The following RSPO2 variants were observed in gnomAD, a reference collection of about 807,000 sequenced individuals.
RSPO2 encodes R-spondin 2.
In RSPO2, 14 loss-of-function variants were observed where a neutral mutation model predicts 30.9. That is an observed-to-expected ratio of 0.45 (90% CI 0.30 to 0.71). The LOEUF (loss-of-function observed/expected upper bound fraction) is 0.71. Ranked by LOEUF, RSPO2 falls within the 30% of genes least tolerant of loss-of-function variation. The pLI, the probability that RSPO2 is intolerant of heterozygous loss-of-function variation, is 0.08. For missense variants in RSPO2, 264 were observed against 301.9 expected (o/e 0.87, Z 0.93); for synonymous variants, 107 against 96.4 (o/e 1.11, Z -0.64).
At chr8:108,060,789 G>T (rs1457933387) in intron 2 of RSPO2, among the ~76,000 whole-genome samples, 3 of 151,750 alleles carry the variant, frequency 2.0e-5, no homozygotes, top group Non-Finnish European at 4.4e-5. Context: ...AGAGAGAAAG[G>T]TCGGGTTACC....
chr8:107,915,516 TAGA>T (rs1811951023), intron 5 of RSPO2, among the ~76,000 whole-genome samples: 1 of 152,142 alleles, frequency 6.6e-6, no homozygotes, highest in South Asian at 2.1e-4. Context: ...AGATGGAGAA[TAGA>T]AGGATAGTTT....
intron 2 of RSPO2, among the ~76,000 whole-genome samples, chr8:108,017,387 A>T (rs967921592): frequency 6.6e-6 from 1 of 152,204 alleles, no homozygotes; most frequent in Non-Finnish European, 1.5e-5. Flanking sequence ...CCAACTATTC[A>T]TCCCTGCAAA....
chr8:108,034,310 A>AAC (rs763662903), intron 2 of RSPO2, among the ~76,000 whole-genome samples: 4 of 152,244 alleles, frequency 2.6e-5, no homozygotes, highest in Middle Eastern at 6.8e-3. Context: ...AACTATTTTA[A>AAC]ACACACACAC....
chr8:108,048,919 G>C (rs148448744), intron 2 of RSPO2, among the ~76,000 whole-genome samples: 1 of 152,022 alleles, frequency 6.6e-6, no homozygotes, highest in Non-Finnish European at 1.5e-5. Flanking sequence ...CCTTCATTTC[G>C]TTGTTTAGCC....
rs192598456 is a variant in RSPO2, at chr8:107,978,847, A to C, written c.283+10209T>G. On this transcript the variant is annotated intron_variant, in intron 3 of 5. Transcript: ENST00000276659. Reference sequence around the variant, plus strand: ...ACAAATTTACCAGAAAAAAACAAACAACCCCATCAAAAAGTGGGCAAAGGA... The same window carrying C: ...ACAAATTTACCAGAAAAAAACAAACCACCCCATCAAAAAGTGGGCAAAGGA... 2.6e-3 allele frequency among the ~76,000 whole-genome samples: 402 copies of C among 152,262 alleles called. 3 individuals are homozygous for C. The highest frequency in any genetic ancestry group is 6.8e-3 in the Middle Eastern group (2 of 294).
Position 107,969,018 on chromosome 8 carries a change from T to C in RSPO2, c.284-8201A>G, listed in dbSNP as rs1813909881. Among the ~76,000 whole-genome samples the C allele has an allele frequency of 2.6e-5, 4 of 152,220 alleles. No individual in the cohort carries two copies. The South Asian group carries it at 8.3e-4, about 32-fold the overall frequency. ...TGTTGGGTACCTACATGGAAAATCA[T>C]CTGCTTTGAACATTAGGAACCAGGA... is the stretch of plus-strand genomic sequence containing the variant. On this transcript the variant is annotated intron_variant, in intron 3 of 5. Coordinates refer to ENST00000276659, the MANE Select transcript of RSPO2 (RefSeq NM_178565.5).
intron 5 of RSPO2, among the ~76,000 whole-genome samples, chr8:107,953,414 G>A (rs1003552964): frequency 6.6e-6 from 1 of 152,208 alleles, no homozygotes; most frequent in Non-Finnish European, 1.5e-5. Context: ...AACAAGGCCA[G>A]TGGCTCAACA....
chr8:107,996,925 T>C, intron 2 of RSPO2: 1 of 455,686 alleles, frequency 2.2e-6, no homozygotes, highest in Non-Finnish European at 4.4e-6. Flanking sequence ...AGTCCATATC[T>C]TAGGTTATCT....
chr8:107,980,279 ATGTT>A (rs1294687510), intron 3 of RSPO2, among the ~76,000 whole-genome samples: 1 of 152,026 alleles, frequency 6.6e-6, no homozygotes, highest in East Asian at 1.9e-4. Context: ...TCAGCAGTAA[ATGTT>A]TGCTAAATGT....
chr8:108,061,420 G>A (rs1812460027), intron 2 of RSPO2, among the ~76,000 whole-genome samples: 2 of 151,698 alleles, frequency 1.3e-5, no homozygotes, highest in Admixed American at 6.6e-5. Flanking sequence ...AACCAACAAA[G>A]ATCAAAAGAG....
chr8:107,936,435 A>G (rs947318741), intron 5 of RSPO2, among the ~76,000 whole-genome samples: 2 of 152,154 alleles, frequency 1.3e-5, no homozygotes, highest in Admixed American at 6.6e-5. Context: ...TCTGAAGAAA[A>G]TCACACAGAA....
intron 2 of RSPO2, among the ~76,000 whole-genome samples, chr8:108,002,492 A>C (rs529920322): frequency 1.3e-5 from 2 of 152,318 alleles, no homozygotes; most frequent in African/African-American, 4.8e-5. Context: ...CCTATCCAAA[A>C]TTAAATTGCT....
chr8:108,034,421 G>C (rs923331875), intron 2 of RSPO2, among the ~76,000 whole-genome samples: 1 of 152,166 alleles, frequency 6.6e-6, no homozygotes, highest in Non-Finnish European at 1.5e-5. Context: ...TGGCATCGTG[G>C]TTGTAAAAGA....
intron 2 of RSPO2, among the ~76,000 whole-genome samples, chr8:108,050,934 G>A (rs1586659187): frequency 6.6e-6 from 1 of 152,114 alleles, no homozygotes; most frequent in African/African-American, 2.4e-5. Flanking sequence ...TGAACCTTCA[G>A]ATTTCTTCCT....
intron 4 of RSPO2, among the ~76,000 whole-genome samples, chr8:107,958,474 A>C (rs532016258): frequency 4.2e-4 from 64 of 152,324 alleles, no homozygotes; most frequent in Non-Finnish European, 7.2e-4. Flanking sequence ...CTATCAAAAA[A>C]AAGCTGTTAC....
intron 2 of RSPO2, among the ~76,000 whole-genome samples, chr8:108,003,068 T>G (rs1563558721): frequency 7.2e-6 from 1 of 139,556 alleles, no homozygotes; most frequent in Non-Finnish European, 1.6e-5. Context: ...TTTTTTTTTT[T>G]GAGACAGAGT....
chr8:108,025,916 T>G (rs1456048481), intron 2 of RSPO2, among the ~76,000 whole-genome samples: 1 of 152,196 alleles, frequency 6.6e-6, no homozygotes. Flanking sequence ...AATAATTATT[T>G]CAGGCACTGG....
At chr8:107,932,342 G>A (rs542091789) in intron 5 of RSPO2, among the ~76,000 whole-genome samples, 1 of 152,248 alleles carries the variant, frequency 6.6e-6, no homozygotes, top group African/African-American at 2.4e-5. Context: ...TGACTTCTAG[G>A]TTGTGGCTAA....
chr8:107,972,286 C>T (rs1814027298), intron 3 of RSPO2, among the ~76,000 whole-genome samples: 1 of 151,926 alleles, frequency 6.6e-6, no homozygotes, highest in Non-Finnish European at 1.5e-5. Flanking sequence ...GCTGGGATTA[C>T]AGGTGCCTGC....
Sources: gnomAD v4.1 joint callset for allele counts (sites outside exome capture counted in the v4.1 genomes callset) on GRCh38, gnomAD v4.1.1 for gene constraint, MANE v1.5 for transcripts, NCBI Gene and HGNC (gene_info 2026-07-23, HGNC 2026-07-21) for gene names.